The following DIAPH3 variants were observed in gnomAD, a reference collection of about 807,000 sequenced individuals.
DIAPH3 encodes the protein diaphanous related formin 3.
DIAPH3 carries 117 observed loss-of-function variants against 144.3 expected under a neutral mutation model. The ratio of observed to expected loss-of-function variants is 0.81; its 90% CI spans 0.70 to 0.95. DIAPH3 has a LOEUF of 0.95. DIAPH3 is among the 40% of genes least tolerant of loss of function. The pLI is 0.00. For missense variants in DIAPH3, 1,421 were observed against 1,412.7 expected (o/e 1.01, Z -0.09); for synonymous variants, 519 against 488.9 (o/e 1.06, Z -0.81).
rs145943594 is a variant in DIAPH3 at position 59,712,697 on chromosome 13, T to C, written c.3320-45851A>G. On this transcript the variant is annotated intron_variant, in intron 27 of 27. Coordinates refer to ENST00000400324, the MANE Select transcript of DIAPH3 (RefSeq NM_001042517.2). Reference sequence around the variant, plus strand: ...CCTGTTATTGACTTGTCATCCCCCATTTTACTTTCTTAAAACTACCACACT... The same window carrying C: ...CCTGTTATTGACTTGTCATCCCCCACTTTACTTTCTTAAAACTACCACACT... Among the ~76,000 whole-genome samples, 11 of 152,292 alleles carry C rather than the reference T, an allele frequency of 7.2e-5. No individual in the cohort carries two copies. In the East Asian group the frequency reaches 2.1e-3, roughly 29 times the overall value.
intron 17 of DIAPH3, among the ~76,000 whole-genome samples, chr13:59,955,190 T>C (rs1202233358): frequency 3.9e-5 from 6 of 151,990 alleles, no homozygotes; most frequent in African/African-American, 9.7e-5. Context: ...AAACTATTAC[T>C]ACTGATATGC....
At chr13:60,142,976 C>T (rs550347696) in intron 1 of DIAPH3, among the ~76,000 whole-genome samples, 10 of 151,590 alleles carry the variant, frequency 6.6e-5, no homozygotes, top group African/African-American at 2.4e-4. Context: ...TGGTCTTAAA[C>T]TCCTAGCCTC....
At chr13:60,008,812 A>C (rs2053053065) in intron 8 of DIAPH3, among the ~76,000 whole-genome samples, 163 bp from the exon 9 acceptor site, 1 of 152,246 alleles carries the variant, frequency 6.6e-6, no homozygotes, top group African/African-American at 2.4e-5. Flanking sequence ...TAAGCATGTT[A>C]CATTTTAATC....
At chr13:60,108,499 T>G (rs542836449) in intron 3 of DIAPH3, among the ~76,000 whole-genome samples, 5 of 152,028 alleles carry the variant, frequency 3.3e-5, no homozygotes, top group African/African-American at 1.2e-4. Context: ...TCCCTGCTAC[T>G]CAGGAGGCTG....
Position 59,680,715 on chromosome 13 carries a change from G to A in DIAPH3, c.3320-13869C>T, listed in dbSNP as rs186357286. On this transcript the variant is annotated intron_variant, in intron 27 of 27. Transcript: ENST00000400324. ...TTGGTGACTTAAAAAATATAGAACA[G>A]AGTACACTCATTTACAACTATTATG... 2.1e-3 allele frequency among the ~76,000 whole-genome samples: 324 copies of A among 151,952 alleles called. 5 individuals are homozygous for A. Among genetic ancestry groups the A allele is most frequent in the Middle Eastern group, 0.01 (3 of 294 alleles).
chr13:60,157,527 T>C (rs1952089825), intron 1 of DIAPH3, among the ~76,000 whole-genome samples: 1 of 152,260 alleles, frequency 6.6e-6, no homozygotes, highest in South Asian at 2.1e-4. Flanking sequence ...TTCTTAAATA[T>C]GGTTATACAA....
chr13:59,873,442 C>T (rs998681054), intron 21 of DIAPH3, among the ~76,000 whole-genome samples: 4 of 152,090 alleles, frequency 2.6e-5, no homozygotes, highest in Admixed American at 2.6e-4. Context: ...ATGCAAAATA[C>T]AAACTGCCTG....
chr13:60,143,431 A>G (rs1951367089), intron 1 of DIAPH3, among the ~76,000 whole-genome samples: 1 of 152,192 alleles, frequency 6.6e-6, no homozygotes, highest in African/African-American at 2.4e-5. Flanking sequence ...GAGGCAAACA[A>G]GCATCTTCCC....
At chr13:59,689,392 C>T (rs943155235) in intron 27 of DIAPH3, among the ~76,000 whole-genome samples, 6 of 151,804 alleles carry the variant, frequency 4.0e-5, no homozygotes, top group African/African-American at 7.3e-5. Flanking sequence ...ATGATAAAAC[C>T]GATGAAGGAT....
intron 3 of DIAPH3, among the ~76,000 whole-genome samples, chr13:60,104,566 G>GCGCACACA (rs1555375780): frequency 6.8e-6 from 1 of 147,026 alleles, no homozygotes; most frequent in Non-Finnish European, 1.5e-5. Flanking sequence ...CAGTATCAAG[G>GCGCACACA]CACACACACA....
intron 25 of DIAPH3, among the ~76,000 whole-genome samples, chr13:59,803,908 A>T (rs2040065254): frequency 1.3e-5 from 2 of 152,316 alleles, no homozygotes; most frequent in South Asian, 4.1e-4. Context: ...TCTTAATACC[A>T]TCAGAAGGAA....
intron 21 of DIAPH3, among the ~76,000 whole-genome samples, chr13:59,876,685 C>T (rs1443600308): frequency 6.6e-6 from 1 of 152,206 alleles, no homozygotes; most frequent in Non-Finnish European, 1.5e-5. Flanking sequence ...TCCCTGTCAA[C>T]AGCTCTCCTT....
intron 4 of DIAPH3, among the ~76,000 whole-genome samples, chr13:60,072,929 T>G (rs1025371006): frequency 2.0e-5 from 3 of 152,194 alleles, no homozygotes; most frequent in African/African-American, 7.2e-5. Context: ...AATAGTTACC[T>G]CTGGGGGAGA....
chr13:59,675,663 C>T (rs17057001), intron 27 of DIAPH3, among the ~76,000 whole-genome samples: 16,184 of 152,216 alleles, frequency 0.11, 1,247 homozygotes, highest in African/African-American at 0.21. Flanking sequence ...TTACAACAAT[C>T]CCAAAGTGCA....
At chr13:59,887,629 G>A (rs2140104785) in intron 20 of DIAPH3, among the ~76,000 whole-genome samples, 1 of 152,126 alleles carries the variant, frequency 6.6e-6, no homozygotes, top group South Asian at 2.1e-4. Context: ...TTCCCATATG[G>A]TCTACCTTGG....
Position 59,665,815 on chromosome 13 carries a change from T to G in DIAPH3, c.*769A>C, listed in dbSNP as rs945351397. 2.0e-5 allele frequency: 3 copies of G among 152,640 alleles called. No homozygotes were observed. The highest frequency in any genetic ancestry group is 7.2e-5 in the African/African-American group (3 of 41,466). The allele number at this position is 152,640 out of a possible 1,614,324, so 9.5% of individuals were successfully genotyped here. A position where few individuals can be genotyped will look rare whatever the true frequency, so the allele number is the denominator to read the frequency against. On this transcript the variant is annotated 3_prime_UTR_variant, in exon 28 of 28. Coordinates refer to ENST00000400324, the MANE Select transcript of DIAPH3 (RefSeq NM_001042517.2). ...GAAATTTCAAAATGGCAATTTTATC[T>G]CAGAGTCATAATTACAAGGGGAAAA...
intron 27 of DIAPH3, among the ~76,000 whole-genome samples, chr13:59,698,944 A>C (rs963367947): frequency 6.6e-6 from 1 of 152,236 alleles, no homozygotes; most frequent in Non-Finnish European, 1.5e-5. Flanking sequence ...AAACATGCTA[A>C]GAGTAAAATA....
intron 21 of DIAPH3, among the ~76,000 whole-genome samples, chr13:59,864,464 C>T (rs1233464528): frequency 1.3e-5 from 2 of 151,894 alleles, no homozygotes; most frequent in African/African-American, 2.4e-5. Flanking sequence ...CTGTTTGGAA[C>T]GTTAAGACAA....
At chr13:60,005,930 G>C (rs182274879) in intron 9 of DIAPH3, among the ~76,000 whole-genome samples, 5 of 152,172 alleles carry the variant, frequency 3.3e-5, no homozygotes, top group Admixed American at 2.0e-4. Flanking sequence ...CTATAGAATA[G>C]TAACCTATAA....
Sources: allele counts gnomAD v4.1 joint callset (sites outside exome capture counted in the v4.1 genomes callset), GRCh38; gene constraint gnomAD v4.1.1; transcripts MANE v1.5; gene names NCBI Gene and HGNC (gene_info 2026-07-23, HGNC 2026-07-21).